AP3B1: variants seen among roughly 807,000 people sequenced by gnomAD.
AP3B1 encodes adaptor related protein complex 3 subunit beta 1, also known as AP-3 complex subunit beta-1.
Under a neutral mutation model 132.5 loss-of-function variants are expected in AP3B1, and 61 were observed. The ratio of observed to expected loss-of-function variants is 0.46; its 90% CI spans 0.37 to 0.57. AP3B1 has a LOEUF of 0.57. Ranked by LOEUF, AP3B1 falls within the 20% of genes least tolerant of loss-of-function variation. The pLI, the probability that AP3B1 is intolerant of heterozygous loss-of-function variation, is 0.00. For missense variants in AP3B1, 1,120 were observed against 1,289.4 expected (o/e 0.87, Z 2.01); for synonymous variants, 388 against 438.3 (o/e 0.89, Z 1.43).
chr5:78,227,628 T>C lies in AP3B1; in HGVS notation c.376-96A>G, dbSNP rs185801482. The C allele has an allele frequency of 8.8e-4, 1,033 of 1,176,874 alleles. 19 individuals are homozygous for C. The highest frequency in any genetic ancestry group is 8.7e-3 in the South Asian group (671 of 76,914). 72.9% of individuals were successfully genotyped at this position (1,176,874 alleles called of 1,614,324 possible). On this transcript the variant is annotated intron_variant, in intron 4 of 26. Transcript: ENST00000255194. ...GTTAATAGGTGCTTAAAGGGTGTAATATGACAATAGCAAAAGAAAGCTACT... is the reference window on the plus strand; with the variant it reads ...GTTAATAGGTGCTTAAAGGGTGTAACATGACAATAGCAAAAGAAAGCTACT...
At chr5:78,052,816 A>C (rs73132886) in intron 22 of AP3B1, among the ~76,000 whole-genome samples, 3,785 of 152,320 alleles carry the variant, frequency 0.025, 144 homozygotes, top group African/African-American at 0.078. Flanking sequence ...ATTGTTTTAT[A>C]TATCACGTAC....
chr5:78,232,453 T>C (rs6898813), intron 3 of AP3B1, among the ~76,000 whole-genome samples: 50,819 of 151,976 alleles, frequency 0.33, 8,601 homozygotes, highest in Middle Eastern at 0.43. Flanking sequence ...CACATGACCA[T>C]GCATCTACAG....
intron 7 of AP3B1, among the ~76,000 whole-genome samples, chr5:78,213,533 G>A (rs1412839834): frequency 2.6e-5 from 4 of 152,192 alleles, no homozygotes; most frequent in Non-Finnish European, 5.9e-5. Flanking sequence ...ATGTACGTAT[G>A]TAGACAAAAG....
chr5:78,155,936 G>C (rs990503036), intron 14 of AP3B1, among the ~76,000 whole-genome samples: 5 of 152,154 alleles, frequency 3.3e-5, no homozygotes, highest in African/African-American at 1.2e-4. Flanking sequence ...TCAAAGGACA[G>C]CTCTGGGAAA....
At chr5:78,116,834 G>A (rs1238268770) in intron 17 of AP3B1, among the ~76,000 whole-genome samples, 2 of 152,040 alleles carry the variant, frequency 1.3e-5, no homozygotes, top group East Asian at 3.9e-4. Flanking sequence ...CCTGCCCCCA[G>A]CAAACAAACT....
Position 78,216,201 on chromosome 5 carries a change from C to T in AP3B1, c.640G>A (p.Val214Ile). ...ATCAGATCTATTCTGTCCGGGCATA[C>T]TTCTTCAAAAGCCATCACAACACTG... Reference protein sequence around the residue: ...AGSVVMAFEEVCPDRIDLIHK... With the variant: ...AGSVVMAFEEICPDRIDLIHK... The change falls in exon 7 of 27, where the codon GTA (valine) becomes ATA (isoleucine). Residue 214 changes from valine (V) to isoleucine (I), a missense_variant. This residue lies in a region of AP3B1 where 129 missense variants were observed against 212.4 expected (regional missense o/e 0.61). Coordinates refer to ENST00000255194, the MANE Select transcript of AP3B1 (RefSeq NM_003664.5). 6.2e-7 allele frequency: 1 copy of T among 1,613,970 alleles called. No individual in the cohort carries two copies. Among genetic ancestry groups the T allele is most frequent in the Non-Finnish European group, 8.5e-7 (1 of 1,179,920 alleles).
At chr5:78,051,923 C>A (rs928346739) in intron 22 of AP3B1, among the ~76,000 whole-genome samples, 5 of 152,098 alleles carry the variant, frequency 3.3e-5, no homozygotes, top group African/African-American at 1.2e-4. Context: ...AGTATTGTCT[C>A]ATTTATCCTA....
At chr5:78,278,613 AAAAAAAAAAAAAG>A (rs1748893563) in intron 1 of AP3B1, among the ~76,000 whole-genome samples, 1 of 135,978 alleles carries the variant, frequency 7.4e-6, no homozygotes, top group Non-Finnish European at 1.6e-5. Flanking sequence ...AAAAAAAAAA[AAAAAAAAAAAAAG>A]GGGGGGGGGG....
intron 14 of AP3B1, among the ~76,000 whole-genome samples, chr5:78,151,441 T>A (rs1326229390): frequency 6.6e-6 from 1 of 152,194 alleles, no homozygotes; most frequent in East Asian, 1.9e-4. Flanking sequence ...GTTTCAGAGC[T>A]TGGATGAAAG....
intron 2 of AP3B1, among the ~76,000 whole-genome samples, chr5:78,250,957 G>A (rs1201133539): frequency 1.3e-5 from 2 of 152,152 alleles, no homozygotes; most frequent in Non-Finnish European, 2.9e-5. Flanking sequence ...TTTGACAGGG[G>A]AGAAGACAGA....
intron 13 of AP3B1, among the ~76,000 whole-genome samples, chr5:78,162,148 T>G (rs1743412586): frequency 6.6e-6 from 1 of 152,150 alleles, no homozygotes; most frequent in Non-Finnish European, 1.5e-5. Flanking sequence ...TAAAGTTGGC[T>G]TTTCTTTCTT....
chr5:78,097,529 C>A (rs548775268), intron 21 of AP3B1, among the ~76,000 whole-genome samples: 2 of 109,908 alleles, frequency 1.8e-5, no homozygotes, highest in African/African-American at 3.7e-5. Context: ...GCCCCCCGCC[C>A]GGCCAGCCGC....
chr5:78,064,562 T>G (rs1367114330), intron 22 of AP3B1, among the ~76,000 whole-genome samples: 1 of 152,218 alleles, frequency 6.6e-6, no homozygotes, highest in Non-Finnish European at 1.5e-5. Context: ...TCATGTCTGA[T>G]AGCTGCTAAA....
At chr5:78,206,939 T>C (rs952156522) in intron 7 of AP3B1, among the ~76,000 whole-genome samples, 3 of 152,066 alleles carry the variant, frequency 2.0e-5, no homozygotes, top group African/African-American at 7.2e-5. Context: ...CTAGCCAACA[T>C]GGCGAAATCC....
intron 2 of AP3B1, among the ~76,000 whole-genome samples, chr5:78,262,684 T>C (rs565998384): frequency 4.6e-4 from 37 of 81,130 alleles, no homozygotes; most frequent in African/African-American, 1.1e-3. Flanking sequence ...AATTTTGTTC[T>C]TTTTTTTTTT....
At chr5:78,175,098 T>TGGAC (rs1315648725) in intron 11 of AP3B1, among the ~76,000 whole-genome samples, 1 of 152,198 alleles carries the variant, frequency 6.6e-6, no homozygotes, top group Non-Finnish European at 1.5e-5. Context: ...TGGGTGAGAG[T>TGGAC]GTCCCGTTTT....
intron 13 of AP3B1, among the ~76,000 whole-genome samples, chr5:78,160,075 G>A (rs1743326544): frequency 6.6e-6 from 1 of 152,174 alleles, no homozygotes; most frequent in South Asian, 2.1e-4. Context: ...TAGCTGGCAA[G>A]AGAGTAAGTG....
rs553070966 is a variant in AP3B1 at position 78,265,523 on chromosome 5, A to G, written c.204+1997T>C. Among the ~76,000 whole-genome samples, 3 of 152,340 alleles carry G rather than the reference A, an allele frequency of 2.0e-5. No homozygotes were observed. In the South Asian group the frequency reaches 6.2e-4, roughly 32 times the overall value. ...GAACTTGTTCTCTTATCAGTGTTTA[A>G]CTCATGATACTGAGGAAGAATCTTT... On this transcript the variant is annotated intron_variant, in intron 2 of 26. Coordinates refer to ENST00000255194, the MANE Select transcript of AP3B1 (RefSeq NM_003664.5).
At position 78,181,514 on chromosome 5, in the gene AP3B1, T is replaced by G; in HGVS notation, c.935A>C (p.Asn312Thr). Reference protein sequence around the residue: ...RNTKPLLQSRNAAVVMAVAQL... With the variant: ...RNTKPLLQSRTAAVVMAVAQL... ...ATAAGGATTTTAACATACCGCAGCATTCCTGCTCTGAAGCAAAGGCTTTGT... is the reference window on the plus strand; with the variant it reads ...ATAAGGATTTTAACATACCGCAGCAGTCCTGCTCTGAAGCAAAGGCTTTGT... The change falls in exon 8 of 27, where the codon AAT becomes ACT. Residue 312 changes from asparagine (N) to threonine (T), a missense_variant. Around this residue, in one of 3 missense-constraint regions of AP3B1, gnomAD observed 906 missense variants for 997.1 expected, o/e 0.91. Transcript: ENST00000255194. 6.2e-7 allele frequency: 1 copy of G among 1,612,790 alleles called. No homozygotes were observed. The highest frequency in any genetic ancestry group is 8.5e-7 in the Non-Finnish European group (1 of 1,179,500).
Sources: allele counts gnomAD v4.1 joint callset (sites outside exome capture counted in the v4.1 genomes callset), GRCh38; gene constraint gnomAD v4.1.1; regional missense constraint gnomAD v4.1.1; transcripts MANE v1.5; gene names NCBI Gene and HGNC (gene_info 2026-07-23, HGNC 2026-07-21).